The following RAC2 variants were observed in gnomAD, a reference collection of about 807,000 sequenced individuals.
The protein encoded by RAC2 is ras-related C3 botulinum toxin substrate 2.
RAC2 carries 1 observed loss-of-function variant against 24.0 expected under a neutral mutation model. The observed-to-expected ratio is 0.04, with a 90% confidence interval of 0.01 to 0.20. The LOEUF (loss-of-function observed/expected upper bound fraction) is 0.20. RAC2 is among the 10% of genes least tolerant of loss of function. The pLI is 1.00. For missense variants in RAC2, 130 were observed against 259.1 expected (o/e 0.50, Z 3.42); for synonymous variants, 114 against 106.8 (o/e 1.07, Z -0.41).
intron 5 of RAC2, among the ~76,000 whole-genome samples, chr22:37,229,784 G>C (rs1332503198): frequency 1.3e-5 from 2 of 152,190 alleles, no homozygotes; most frequent in African/African-American, 4.8e-5. Flanking sequence ...GGGCCTTTGG[G>C]GATTGTCCAG....
chr22:37,226,854 T>C lies in RAC2; in HGVS notation c.449-51A>G, dbSNP rs374566760. The stretch of plus-strand genomic sequence containing the variant: ...CCAAGGCCTAAGTGGCGGGGGGGGT[T>C]CTGGGCCAACATGTCTCCTATGCCA... On this transcript the variant is annotated intron_variant, in intron 5 of 6. Transcript: ENST00000249071. 407 of 1,603,402 alleles carry C rather than the reference T, an allele frequency of 2.5e-4. 2 individuals are homozygous for C. In the African/African-American group the frequency reaches 4.8e-3, roughly 19 times the overall value.
intron 5 of RAC2, among the ~76,000 whole-genome samples, chr22:37,229,862 C>T (rs1451916404): frequency 1.3e-5 from 2 of 152,148 alleles, no homozygotes; most frequent in South Asian, 2.1e-4. Flanking sequence ...GTCACACAGC[C>T]AATCAGTATC....
chr22:37,233,238 C>T (rs181295204), intron 2 of RAC2, among the ~76,000 whole-genome samples: 3 of 152,210 alleles, frequency 2.0e-5, no homozygotes, highest in East Asian at 3.9e-4. Context: ...AAACTTACCT[C>T]TCTCCCTATG....
chr22:37,232,938 C>A lies in RAC2; in HGVS notation c.108-20G>T. 1 of 1,581,118 alleles carries A rather than the reference C, an allele frequency of 6.3e-7. No homozygotes were observed. Among genetic ancestry groups the A allele is most frequent in the Non-Finnish European group, 8.7e-7 (1 of 1,150,342 alleles). ...TCAAACCTGTGGGGAGCAGGCAAGG[C>A]GGAGGTAAGGTCAATCTCAAACCCC... On this transcript the variant is annotated intron_variant, in intron 2 of 6. Coordinates refer to ENST00000249071, the MANE Select transcript of RAC2 (RefSeq NM_002872.5).
chr22:37,227,575 G>A (rs950581075), intron 5 of RAC2, among the ~76,000 whole-genome samples: 2 of 4,286 alleles, frequency 4.7e-4, no homozygotes, highest in Admixed American at 3.8e-3. Context: ...TGCCTCCCAC[G>A]CCATATACCC....
At chr22:37,227,841 G>C (rs1046990438) in intron 5 of RAC2, among the ~76,000 whole-genome samples, 1 of 152,082 alleles carries the variant, frequency 6.6e-6, no homozygotes, top group Non-Finnish European at 1.5e-5. Context: ...GTAATAGCGA[G>C]CGTGAACTCA....
intron 2 of RAC2, chr22:37,240,740 G>A (rs183170358): frequency 3.3e-4 from 150 of 451,294 alleles, no homozygotes; most frequent in African/African-American, 2.6e-3. Context: ...AGACCCCTTC[G>A]TGGTAGATCA....
At chr22:37,237,253 G>C (rs574201319) in intron 2 of RAC2, among the ~76,000 whole-genome samples, 1 of 140,526 alleles carries the variant, frequency 7.1e-6, no homozygotes, top group East Asian at 2.5e-4. Context: ...GGGAGGGAGG[G>C]ACCCTCTTGG....
At chr22:37,229,811 A>G (rs769094946) in intron 5 of RAC2, among the ~76,000 whole-genome samples, 7 of 152,134 alleles carry the variant, frequency 4.6e-5, no homozygotes, top group Non-Finnish European at 1.0e-4. Context: ...TTATGTGGAG[A>G]GGGAGACTGA....
At position 37,226,725 on chromosome 22, in the gene RAC2, A is replaced by C; in HGVS notation, c.527T>G (p.Val176Gly). Reference protein sequence around the residue: ...KTVFDEAIRAVLCPQPTRQQK... With the variant: ...KTVFDEAIRAGLCPQPTRQQK... ...CTGCCGCGTGGGCTGAGGGCACAGC[A>C]CGGCCCGGATGGCCTCGTCGAACAC... Residue 176 changes from valine (V) to glycine (G), a missense_variant, in exon 6 of 7, where the codon GTG becomes GGG. Physicochemically the swap from Val to Gly is moderately radical, Grantham distance 109. This residue lies in a region of RAC2 where 119 missense variants were observed against 192.1 expected (regional missense o/e 0.62). Transcript: ENST00000249071. 4 of 1,613,176 alleles carry C rather than the reference A, an allele frequency of 2.5e-6. No homozygotes were observed. The highest frequency in any genetic ancestry group is 3.4e-6 in the Non-Finnish European group (4 of 1,179,596).
intron 2 of RAC2, among the ~76,000 whole-genome samples, chr22:37,233,154 T>A (rs1927122420): frequency 6.6e-6 from 1 of 152,238 alleles, no homozygotes; most frequent in Non-Finnish European, 1.5e-5. Context: ...CTCTTAATCC[T>A]TTTCCTACCC....
rs1927497242 is a variant in RAC2, at chr22:37,244,244, G to T, written c.-96C>A. 1.4e-6 allele frequency: 2 copies of T among 1,392,348 alleles called. No individual in the cohort carries two copies. The highest frequency in any genetic ancestry group is 3.8e-5 in the Admixed American group (2 of 53,056). 86.2% of individuals were successfully genotyped at this position (1,392,348 alleles called of 1,614,324 possible). On this transcript the variant is annotated 5_prime_UTR_variant, in exon 1 of 7. Transcript: ENST00000249071. ...TGTGGAGGCTGGTGAGGCGCCTGCT[G>T]AGGAGCAGCGGTGGTGGGGCAGGAG...
chr22:37,233,628 C>G (rs1927141827), intron 2 of RAC2, among the ~76,000 whole-genome samples: 1 of 152,302 alleles, frequency 6.6e-6, no homozygotes, highest in Middle Eastern at 3.4e-3. Context: ...AGGCTGGGTC[C>G]CCCCAGAAGC....
intron 1 of RAC2, 63 bp downstream of exon 1, chr22:37,244,043 GGGGCACCA>G (rs537059421): frequency 1.7e-5 from 27 of 1,599,062 alleles, no homozygotes; most frequent in Non-Finnish European, 2.3e-5. Flanking sequence ...GGCTTCCCCA[GGGGCACCA>G]GGGCGGAAGG....
chr22:37,236,714 C>T (rs905029092), intron 2 of RAC2, among the ~76,000 whole-genome samples: 1 of 152,118 alleles, frequency 6.6e-6, no homozygotes, highest in Non-Finnish European at 1.5e-5. Context: ...AGCCCACCCC[C>T]ACGGAGGAAG....
At chr22:37,227,601 C>T (rs1331109997) in intron 5 of RAC2, among the ~76,000 whole-genome samples, 5 of 118,594 alleles carry the variant, frequency 4.2e-5, no homozygotes, top group Admixed American at 1.6e-4. Context: ...ACGCCTCCCA[C>T]ACCATACACC....
intron 2 of RAC2, among the ~76,000 whole-genome samples, chr22:37,238,606 G>A (rs1445356184): frequency 6.6e-6 from 1 of 152,198 alleles, no homozygotes; most frequent in Non-Finnish European, 1.5e-5. Flanking sequence ...TGAGGTGTAA[G>A]GGGGCGCCCC....
At chr22:37,237,885 G>A (rs1272286789) in intron 2 of RAC2, among the ~76,000 whole-genome samples, 1 of 151,890 alleles carries the variant, frequency 6.6e-6, no homozygotes, top group Non-Finnish European at 1.5e-5. Context: ...GCTGTCGGGG[G>A]GCCTATGAAG....
At position 37,241,655 on chromosome 22, in the gene RAC2, G is replaced by A. The variant is rs756498304; in HGVS notation, c.39C>T (p.Ala13=). 12 of 1,613,794 alleles carry A rather than the reference G, an allele frequency of 7.4e-6. No individual in the cohort carries two copies. The East Asian group carries it at 1.1e-4, about 15-fold the overall frequency. Residue 13 remains alanine, a synonymous_variant, in exon 2 of 7, where the codon GCC becomes GCT. Transcript: ENST00000249071. ...TGATGAGAAGGCAGGTCTTGCCCAC[G>A]GCCCTGAAAGACAGGAAGTGCAAGA... ...AIKCVVVGDG[A]VGKTCLLISY...
Sources: allele counts gnomAD v4.1 joint callset (sites outside exome capture counted in the v4.1 genomes callset), GRCh38; gene constraint gnomAD v4.1.1; regional missense constraint gnomAD v4.1.1; transcripts MANE v1.5; gene names NCBI Gene and HGNC (gene_info 2026-07-23, HGNC 2026-07-21).